The following GPC5 variants were observed in gnomAD, a reference collection of about 807,000 sequenced individuals.
GPC5 encodes the protein glypican-5.
GPC5 carries 47 observed loss-of-function variants against 53.9 expected under a neutral mutation model. That is an observed-to-expected ratio of 0.87 (90% confidence interval 0.69 to 1.11). The LOEUF (loss-of-function observed/expected upper bound fraction) is 1.11. Among genes scored for constraint, GPC5 ranks in the 50% most tolerant of loss-of-function variants. The pLI is 0.00. For synonymous variants in GPC5, 286 were observed against 263.3 expected (o/e 1.09, Z -0.84); for missense variants, 748 against 713.1 (o/e 1.05, Z -0.56).
At chr13:92,034,879 A>G (rs1000225086) in intron 6 of GPC5, among the ~76,000 whole-genome samples, 1 of 152,178 alleles carries the variant, frequency 6.6e-6, no homozygotes, top group African/African-American at 2.4e-5. Context: ...TGTACGTATC[A>G]TAGACTTCAT....
At chr13:92,038,231 G>T (rs2040909713) in intron 6 of GPC5, among the ~76,000 whole-genome samples, 1 of 151,846 alleles carries the variant, frequency 6.6e-6, no homozygotes, top group Non-Finnish European at 1.5e-5. Flanking sequence ...GACTACTGTG[G>T]TGTAACAAGT....
chr13:92,703,043 CATAT>C (rs35274895), intron 7 of GPC5, among the ~76,000 whole-genome samples: 23 of 139,828 alleles, frequency 1.6e-4, no homozygotes, highest in Non-Finnish European at 2.9e-4. Context: ...CTATACCTGG[CATAT>C]ATATATATTT....
chr13:91,734,663 G>A (rs1416796411), intron 4 of GPC5, among the ~76,000 whole-genome samples: 1 of 151,440 alleles, frequency 6.6e-6, no homozygotes, highest in Non-Finnish European at 1.5e-5. Context: ...CCAGCCTTCA[G>A]TCAAGGTGCT....
At chr13:92,167,114 C>T (rs2042037357) in intron 7 of GPC5, among the ~76,000 whole-genome samples, 1 of 151,916 alleles carries the variant, frequency 6.6e-6, no homozygotes, top group Non-Finnish European at 1.5e-5. Context: ...TAAGTATGTG[C>T]TTTGTTTTAT....
At chr13:92,068,313 T>C (rs1247989843) in intron 6 of GPC5, among the ~76,000 whole-genome samples, 1 of 151,888 alleles carries the variant, frequency 6.6e-6, no homozygotes, top group East Asian at 1.9e-4. Flanking sequence ...TAAAATTTTA[T>C]TTTATAATTG....
intron 6 of GPC5, among the ~76,000 whole-genome samples, chr13:92,079,679 C>T (rs1322462359): frequency 6.6e-6 from 1 of 152,220 alleles, no homozygotes; most frequent in Non-Finnish European, 1.5e-5. Flanking sequence ...GTAATCATCT[C>T]TTGCTGTTAT....
chr13:91,989,539 G>A (rs907001543), intron 6 of GPC5, among the ~76,000 whole-genome samples: 3 of 152,120 alleles, frequency 2.0e-5, no homozygotes, highest in Admixed American at 2.0e-4. Flanking sequence ...TATGGTTATT[G>A]CTTTGGTGTA....
chr13:92,276,849 G>T (rs1420020874), intron 7 of GPC5, among the ~76,000 whole-genome samples: 1 of 151,988 alleles, frequency 6.6e-6, no homozygotes, highest in Admixed American at 6.6e-5. Flanking sequence ...AGCATTGCAT[G>T]ATAAAATTTT....
At chr13:91,771,491 C>T (rs975076157) in intron 5 of GPC5, among the ~76,000 whole-genome samples, 1 of 152,060 alleles carries the variant, frequency 6.6e-6, no homozygotes, top group African/African-American at 2.4e-5. Context: ...TTTATGCTAG[C>T]ACAAGGTAGA....
In GPC5 at chr13:92,144,954, G is replaced by C. The variant is rs775230396; in HGVS notation, c.1526G>C (p.Ser509Thr). The C allele has an allele frequency of 1.3e-5, 20 of 1,570,478 alleles. No homozygotes were observed. In the South Asian group the frequency reaches 2.4e-4, roughly 19 times the overall value. The change falls in exon 7 of 8, where the codon AGT (serine) becomes ACT (threonine). Residue 509 changes from serine (S) to threonine (T), a missense_variant. Transcript: ENST00000377067. ...DDEDGCGGSGSGEVKRTLKIT... is the reference protein window; with the variant it reads ...DDEDGCGGSGTGEVKRTLKIT... Reference sequence around the variant, plus strand: ...GAAGATGGTTGCGGGGGATCAGGAAGTGGAGAAGTCAAGAGGACACTGAAG... The same window carrying C: ...GAAGATGGTTGCGGGGGATCAGGAACTGGAGAAGTCAAGAGGACACTGAAG...
intron 1 of GPC5, among the ~76,000 whole-genome samples, chr13:91,432,268 C>T (rs971255849): frequency 3.4e-5 from 5 of 146,918 alleles, no homozygotes. Context: ...GGCCTTTTGT[C>T]TTCTAAGCTG....
intron 7 of GPC5, among the ~76,000 whole-genome samples, chr13:92,163,090 G>A (rs1043641327): frequency 3.9e-5 from 6 of 152,102 alleles, no homozygotes; most frequent in African/African-American, 1.2e-4. Context: ...ATGAATGAGT[G>A]AAGGAAAGTG....
intron 7 of GPC5, among the ~76,000 whole-genome samples, chr13:92,298,164 C>T (rs1345188731): frequency 2.6e-5 from 4 of 152,130 alleles, no homozygotes; most frequent in African/African-American, 9.7e-5. Flanking sequence ...AGTCTCACTC[C>T]TGCCGTGCCC....
chr13:92,062,271 ATAT>A lies in GPC5; in HGVS notation c.1402-82556_1402-82554del, dbSNP rs1416616059. Reference sequence around the variant, plus strand: ...GGATAGATTTTCATCTATAAAAGACATATTAATATACTTTATATAAATTATTTA... The same window carrying A: ...GGATAGATTTTCATCTATAAAAGACATAATATACTTTATATAAATTATTTA... On this transcript the variant is annotated intron_variant, in intron 6 of 7. Transcript: ENST00000377067. Among the ~76,000 whole-genome samples the A allele has an allele frequency of 2.0e-5, 3 of 151,960 alleles. No homozygotes were observed. The South Asian group carries it at 6.2e-4, about 31-fold the overall frequency.
At chr13:92,490,319 G>A (rs941429238) in intron 7 of GPC5, 1 of 152,552 alleles carries the variant, frequency 6.6e-6, no homozygotes, top group African/African-American at 2.4e-5. Flanking sequence ...AATTTTTAGT[G>A]TCCCTAATGT....
At chr13:92,476,310 C>T (rs1156396623) in intron 7 of GPC5, among the ~76,000 whole-genome samples, 3 of 152,080 alleles carry the variant, frequency 2.0e-5, no homozygotes, top group African/African-American at 7.2e-5. Flanking sequence ...TCATCACTGG[C>T]TATCAGAGAA....
intron 2 of GPC5, among the ~76,000 whole-genome samples, chr13:91,463,659 A>G (rs58985801): frequency 0.07 from 10,664 of 152,206 alleles, 1,215 homozygotes; most frequent in African/African-American, 0.24. Flanking sequence ...TGATTTTGAC[A>G]TAGGTACAAA....
intron 1 of GPC5, among the ~76,000 whole-genome samples, chr13:91,436,821 T>G (rs1204383894): frequency 6.6e-6 from 1 of 152,184 alleles, no homozygotes; most frequent in Non-Finnish European, 1.5e-5. Flanking sequence ...TGTGAGAGTC[T>G]AAGTCTCTTT....
chr13:92,195,562 T>A (rs1432549029), intron 7 of GPC5, among the ~76,000 whole-genome samples: 1 of 152,146 alleles, frequency 6.6e-6, no homozygotes, highest in East Asian at 1.9e-4. Context: ...TTCCCACTCA[T>A]ATGCTTCTAC....
Sources: gnomAD v4.1 joint callset for allele counts (sites outside exome capture counted in the v4.1 genomes callset) on GRCh38, gnomAD v4.1.1 for gene constraint, MANE v1.5 for transcripts, NCBI Gene and HGNC (gene_info 2026-07-23, HGNC 2026-07-21) for gene names.